Variants in FHIT observed in about 807,000 individuals in gnomAD.
The protein encoded by FHIT is fragile histidine triad diadenosine triphosphatase.
In FHIT, 19 loss-of-function variants were observed where a neutral mutation model predicts 17.9. That is an observed-to-expected ratio of 1.06 (90% confidence interval 0.74 to 1.56). The LOEUF is 1.56. FHIT is among the 40% of genes most tolerant of loss of function. The probability of loss-of-function intolerance (pLI) is 0.00; values close to 1 mark genes in which losing one functional copy is unlikely to be tolerated. For synonymous variants in FHIT, 81 were observed against 69.7 expected (o/e 1.16, Z -0.81); for missense variants, 248 against 189.2 (o/e 1.31, Z -1.82).
intron 8 of FHIT, among the ~76,000 whole-genome samples, chr3:59,850,438 T>C (rs962342039): frequency 2.0e-5 from 3 of 152,048 alleles, no homozygotes; most frequent in Admixed American, 1.3e-4. Flanking sequence ...AAAATGAAAC[T>C]CAGACTCAGG....
At chr3:60,364,459 A>C (rs1315065576) in intron 5 of FHIT, among the ~76,000 whole-genome samples, 1 of 152,232 alleles carries the variant, frequency 6.6e-6, no homozygotes, top group Non-Finnish European at 1.5e-5. Flanking sequence ...GACTGGCAAA[A>C]TCTCAGCATG....
chr3:60,792,819 C>T (rs1027016657), intron 4 of FHIT, among the ~76,000 whole-genome samples: 3 of 144,594 alleles, frequency 2.1e-5, no homozygotes, highest in African/African-American at 2.7e-5. Flanking sequence ...GACTGCCCTT[C>T]GAGAAAACAA....
At chr3:60,545,022 CTG>C (rs1455067192) in intron 4 of FHIT, among the ~76,000 whole-genome samples, 1 of 151,870 alleles carries the variant, frequency 6.6e-6, no homozygotes, top group Non-Finnish European at 1.5e-5. Flanking sequence ...TTTTGTCAAA[CTG>C]TGTCTTTTTC....
At chr3:60,653,311 T>C (rs1166675381) in intron 4 of FHIT, among the ~76,000 whole-genome samples, 1 of 151,964 alleles carries the variant, frequency 6.6e-6, no homozygotes, top group Non-Finnish European at 1.5e-5. Flanking sequence ...AAAGGAATAA[T>C]CAGATAAGAA....
At chr3:60,543,461 C>T (rs2036251920) in intron 4 of FHIT, among the ~76,000 whole-genome samples, 1 of 152,068 alleles carries the variant, frequency 6.6e-6, no homozygotes, top group Non-Finnish European at 1.5e-5. Context: ...TTCAACGAAG[C>T]CATTTATGAA....
intron 1 of FHIT, among the ~76,000 whole-genome samples, chr3:61,221,185 T>C (rs1049895888): frequency 9.9e-5 from 15 of 152,194 alleles, no homozygotes; most frequent in Admixed American, 2.6e-4. Flanking sequence ...GACTGGAAGG[T>C]GCCATGGCTA....
At chr3:60,606,172 T>C (rs1348684158) in intron 4 of FHIT, among the ~76,000 whole-genome samples, 1 of 152,106 alleles carries the variant, frequency 6.6e-6, no homozygotes, top group Non-Finnish European at 1.5e-5. Flanking sequence ...ATATTCCTAA[T>C]GGATGTTTAC....
intron 5 of FHIT, among the ~76,000 whole-genome samples, chr3:60,087,698 T>A (rs893983876): frequency 2.6e-5 from 4 of 152,296 alleles, no homozygotes; most frequent in African/African-American, 9.6e-5. Flanking sequence ...GTAACAAGGG[T>A]GACAGTTCCC....
chr3:60,014,215 C>G, intron 5 of FHIT, 63 bp from the exon 6 acceptor site: 1 of 1,553,428 alleles, frequency 6.4e-7, no homozygotes. Flanking sequence ...CCAAGCAGTT[C>G]ATACCCACAG....
At chr3:60,747,000 G>A (rs574751949) in intron 4 of FHIT, among the ~76,000 whole-genome samples, 1 of 152,066 alleles carries the variant, frequency 6.6e-6, no homozygotes, top group Non-Finnish European at 1.5e-5. Context: ...CTGTAACCAG[G>A]CATGATTAAC....
At chr3:59,756,210 CCTAA>C (rs59120443) in intron 8 of FHIT, among the ~76,000 whole-genome samples, 4 of 151,916 alleles carry the variant, frequency 2.6e-5, no homozygotes, top group Non-Finnish European at 5.9e-5. Flanking sequence ...ATCTTTTGGA[CCTAA>C]CTAACTACTT....
rs1048777033 is a variant in FHIT, at chr3:60,009,194, T to C, written c.279+2177A>G. On this transcript the variant is annotated intron_variant, in intron 7 of 9. Transcript: ENST00000492590. ...GTGTGTGTGTGTGTGTGTGTGTGTG[T>C]GTGTGTGTGTGTGTGTGTGTGTGTG... Among the ~76,000 whole-genome samples the C allele has an allele frequency of 9.2e-4, 136 of 148,566 alleles. 1 individual carries two copies. Among genetic ancestry groups the C allele is most frequent in the African/African-American group, 3.0e-3 (121 of 40,094 alleles).
chr3:61,010,140 T>C (rs545094254), intron 3 of FHIT, among the ~76,000 whole-genome samples: 1 of 152,158 alleles, frequency 6.6e-6, no homozygotes, highest in African/African-American at 2.4e-5. Context: ...CTTCAATTAT[T>C]ACCAAAAATG....
At chr3:61,248,983 T>C (rs2040549353) in intron 1 of FHIT, among the ~76,000 whole-genome samples, 1 of 152,242 alleles carries the variant, frequency 6.6e-6, no homozygotes, top group African/African-American at 2.4e-5. Flanking sequence ...ATCATCTATG[T>C]GGTCCTTGCA....
At chr3:60,681,981 T>TC (rs1362420244) in intron 4 of FHIT, among the ~76,000 whole-genome samples, 4 of 151,984 alleles carry the variant, frequency 2.6e-5, no homozygotes, top group African/African-American at 4.8e-5. Context: ...AGATTTTTTT[T>TC]TTTTTTTTGA....
At chr3:59,869,232 T>G (rs670885) in intron 8 of FHIT, among the ~76,000 whole-genome samples, 11,692 of 152,224 alleles carry the variant, frequency 0.077, 546 homozygotes, top group Non-Finnish European at 0.11. Context: ...TAGGTTTTTC[T>G]CAACCAACAA....
intron 4 of FHIT, among the ~76,000 whole-genome samples, chr3:60,718,108 A>G (rs1436156020): frequency 6.6e-6 from 1 of 152,186 alleles, no homozygotes; most frequent in East Asian, 1.9e-4. Flanking sequence ...TTATTTAGCC[A>G]TATTTTCATG....
intron 4 of FHIT, among the ~76,000 whole-genome samples, chr3:60,541,423 C>G (rs1158095199): frequency 6.6e-6 from 1 of 152,258 alleles, no homozygotes; most frequent in South Asian, 2.1e-4. Context: ...AATCTACTTC[C>G]TTAGAGTCTT....
chr3:59,899,333 C>G (rs895919910), intron 8 of FHIT, among the ~76,000 whole-genome samples: 1 of 152,194 alleles, frequency 6.6e-6, no homozygotes, highest in Non-Finnish European at 1.5e-5. Context: ...GCTGACACAT[C>G]TGGAGTAGGG....
Sources: allele counts gnomAD v4.1 joint callset (sites outside exome capture counted in the v4.1 genomes callset), GRCh38; gene constraint gnomAD v4.1.1; transcripts MANE v1.5; gene names NCBI Gene and HGNC (gene_info 2026-07-23, HGNC 2026-07-21).